Variants in DOCK8 observed in about 807,000 individuals in gnomAD.
DOCK8 encodes the protein dedicator of cytokinesis 8, also known as dedicator of cytokinesis protein 8.
DOCK8 carries 141 observed loss-of-function variants against 245.6 expected under a neutral mutation model. That is an observed-to-expected ratio of 0.57 (90% CI 0.50 to 0.66). The LOEUF is 0.66. Ranked by LOEUF, DOCK8 falls within the 30% of genes least tolerant of loss-of-function variation. DOCK8 has a pLI of 0.00. For missense variants in DOCK8, 2,965 were observed against 2,603.4 expected, an observed-to-expected ratio of 1.14 and a Z score of -3.02; for synonymous variants, 1,168 against 970.2, an observed-to-expected ratio of 1.20 and a Z score of -3.79.
rs2057093577 is a variant in DOCK8, at chr9:441,486, G to A, written c.5355+69G>A. ...GGCGACCCTGTCCTACAGATGCTTAGCCATCCTTCCTCTCCAGGGAGTGAT... is the reference window on the plus strand; with the variant it reads ...GGCGACCCTGTCCTACAGATGCTTAACCATCCTTCCTCTCCAGGGAGTGAT... On this transcript the variant is annotated intron_variant, in intron 41 of 47. Transcript: ENST00000432829. 17 of 1,608,708 alleles carry A rather than the reference G, an allele frequency of 1.1e-5. No individual in the cohort carries two copies. The South Asian group carries it at 1.7e-4, about 16-fold the overall frequency.
chr9:214,641 C>G, upstream of DOCK8: 1 of 1,611,502 alleles, frequency 6.2e-7, no homozygotes, highest in Non-Finnish European at 8.5e-7. Flanking sequence ...GCCTGTCGTC[C>G]GCCCGCGCTC....
At chr9:359,502 T>C (rs2052617614) in intron 14 of DOCK8, among the ~76,000 whole-genome samples, 1 of 152,240 alleles carries the variant, frequency 6.6e-6, no homozygotes, top group Non-Finnish European at 1.5e-5. Context: ...ATTTTGCTGG[T>C]AGTGAAATAT....
chr9:238,703 A>G (rs568656275), intron 1 of DOCK8, among the ~76,000 whole-genome samples: 69 of 152,360 alleles, frequency 4.5e-4, no homozygotes, highest in African/African-American at 1.5e-3. Flanking sequence ...ATGTGATGGC[A>G]TATTTCCAGT....
chr9:262,635 A>G (rs751337654), intron 1 of DOCK8, among the ~76,000 whole-genome samples: 4 of 151,752 alleles, frequency 2.6e-5, no homozygotes, highest in Non-Finnish European at 5.9e-5. Context: ...CAAAGGATCT[A>G]CAGTGACAGA....
At chr9:364,005 T>C (rs1211581576) in intron 14 of DOCK8, among the ~76,000 whole-genome samples, 5 of 152,202 alleles carry the variant, frequency 3.3e-5, no homozygotes, top group South Asian at 2.1e-4. Context: ...AAACACAGCA[T>C]TCAAGAAAGA....
rs929158807 is a variant in DOCK8, at chr9:379,489, C to G, written c.2441-282C>G. On this transcript the variant is annotated intron_variant, in intron 20 of 47. Transcript: ENST00000432829. Reference sequence around the variant, plus strand: ...CCACTGAGTAGCATCAGTTTACAACCTGGCTTAGAGAAGGAGGACGTCTGG... The same window carrying G: ...CCACTGAGTAGCATCAGTTTACAACGTGGCTTAGAGAAGGAGGACGTCTGG... Among the ~76,000 whole-genome samples the G allele has an allele frequency of 2.6e-5, 4 of 152,096 alleles. No individual in the cohort carries two copies. The East Asian group carries it at 7.7e-4, about 29-fold the overall frequency.
chr9:352,696 C>T (rs1162623950), intron 14 of DOCK8, among the ~76,000 whole-genome samples: 2 of 149,496 alleles, frequency 1.3e-5, no homozygotes. Context: ...GAGCCAAGAT[C>T]GCGCCACTGC....
intron 24 of DOCK8, among the ~76,000 whole-genome samples, chr9:393,314 T>C (rs1484283071): frequency 2.1e-5 from 2 of 96,758 alleles, no homozygotes; most frequent in Non-Finnish European, 4.9e-5. Context: ...CAATAATAGT[T>C]GGCATACCAA....
At chr9:307,002 A>G (rs1375378353) in intron 5 of DOCK8, among the ~76,000 whole-genome samples, 3 of 152,172 alleles carry the variant, frequency 2.0e-5, no homozygotes, top group Admixed American at 6.5e-5. Flanking sequence ...TCAAGGAGGT[A>G]AGATAAGGGT....
At position 382,668 on chromosome 9, in the gene DOCK8, A is replaced by G; in HGVS notation, c.2761A>G (p.Asn921Asp). The stretch of plus-strand genomic sequence containing the variant: ...CTCCGCAGCAGACGAGGAAGTGAAG[A>G]ACATCATGTCTTCAAAGGTAGGAAA... ...THSAADEEVK[N>D]IMSSKIADRN... The change falls in exon 22 of 48, where the codon AAC (asparagine) becomes GAC (aspartate). Residue 921 changes from asparagine (N) to aspartate (D), a missense_variant. Asn to Asp is a conservative substitution (Grantham distance 23, BLOSUM62 1). Around this residue, in one of 3 missense-constraint regions of DOCK8, gnomAD observed 2,825 missense variants for 2,453.5 expected, o/e 1.15. Coordinates refer to ENST00000432829, the MANE Select transcript of DOCK8 (RefSeq NM_203447.4). 5 of 1,614,188 alleles carry G rather than the reference A, an allele frequency of 3.1e-6. No homozygotes were observed. Among genetic ancestry groups the G allele is most frequent in the Admixed American group, 1.7e-5 (1 of 60,018 alleles).
rs892517354 is a variant in DOCK8, at chr9:338,991, C to T, written c.1423-15C>T. 5 of 1,613,188 alleles carry T rather than the reference C, an allele frequency of 3.1e-6. No individual in the cohort carries two copies. Among genetic ancestry groups the T allele is most frequent in the Non-Finnish European group, 4.2e-6 (5 of 1,179,346 alleles). The stretch of plus-strand genomic sequence containing the variant: ...AAAGGTGCATCTACATTAACTCTGA[C>T]TTTTCTCTTGGCAGGAAGGAGATCG... On this transcript the variant is annotated splice_polypyrimidine_tract_variant and intron_variant, in intron 12 of 47. Coordinates refer to ENST00000432829, the MANE Select transcript of DOCK8 (RefSeq NM_203447.4).
chr9:453,385 G>A (rs13289471), intron 46 of DOCK8, among the ~76,000 whole-genome samples: 10,402 of 152,214 alleles, frequency 0.068, 400 homozygotes, highest in Middle Eastern at 0.085. Flanking sequence ...TACATAATAC[G>A]TATCTTTTAA....
At chr9:408,886 A>ACG (rs1554696076) in intron 28 of DOCK8, among the ~76,000 whole-genome samples, 5 of 120,930 alleles carry the variant, frequency 4.1e-5, no homozygotes, top group African/African-American at 1.1e-4. Flanking sequence ...ACACACACAC[A>ACG]CGCACACACG....
At chr9:403,851 A>ACTGTATCT in intron 26 of DOCK8, among the ~76,000 whole-genome samples, 1 of 117,150 alleles carries the variant, frequency 8.5e-6, no homozygotes, top group South Asian at 3.1e-4. Flanking sequence ...ACAGAGCAAG[A>ACTGTATCT]CTCTGTATCT....
At chr9:355,856 G>A (rs1425091577) in intron 14 of DOCK8, among the ~76,000 whole-genome samples, 2 of 152,166 alleles carry the variant, frequency 1.3e-5, no homozygotes, top group African/African-American at 2.4e-5. Flanking sequence ...CAAATGTACA[G>A]AGTACTGAGT....
intron 1 of DOCK8, among the ~76,000 whole-genome samples, chr9:247,750 G>A (rs1264633595): frequency 1.3e-5 from 2 of 151,950 alleles, no homozygotes; most frequent in Non-Finnish European, 2.9e-5. Context: ...TGTTAGCCAG[G>A]ATGGTCTCAA....
intron 18 of DOCK8, among the ~76,000 whole-genome samples, chr9:375,565 TATTTTAATTCCTA>T (rs2131251031): frequency 6.6e-6 from 1 of 152,374 alleles, no homozygotes; most frequent in East Asian, 1.9e-4. Flanking sequence ...GATCTTAATT[TATTTTAATTCCTA>T]GAATCCAGAA....
intron 14 of DOCK8, among the ~76,000 whole-genome samples, chr9:359,013 G>A (rs1586792451): frequency 6.6e-6 from 1 of 152,312 alleles, no homozygotes; most frequent in East Asian, 1.9e-4. Flanking sequence ...GTACATTTGA[G>A]ACACCTGGTG....
At position 420,417 on chromosome 9, in the gene DOCK8, A is replaced by G. The variant is rs2131638205; in HGVS notation, c.3857A>G (p.Asn1286Ser). 3 of 1,614,130 alleles carry G rather than the reference A, an allele frequency of 1.9e-6. No homozygotes were observed. The highest frequency in any genetic ancestry group is 2.5e-6 in the Non-Finnish European group (3 of 1,180,026). The change falls in exon 31 of 48, where the codon AAC becomes AGC. Residue 1286 changes from asparagine (N) to serine (S), a missense_variant. Physicochemically the swap from Asn to Ser is conservative, Grantham distance 46. Transcript: ENST00000432829. ...VLSSLPYKQY[N>S]MLNADTTRNL... ...TCCCTTCAGCCCTATAAGCAGTACAACATGCTGAACGCGGACACTACTCGC... is the reference window on the plus strand; with the variant it reads ...TCCCTTCAGCCCTATAAGCAGTACAGCATGCTGAACGCGGACACTACTCGC...
Sources: allele counts gnomAD v4.1 joint callset (sites outside exome capture counted in the v4.1 genomes callset), GRCh38; gene constraint gnomAD v4.1.1; regional missense constraint gnomAD v4.1.1; transcripts MANE v1.5; gene names NCBI Gene and HGNC (gene_info 2026-07-23, HGNC 2026-07-21).